MCU: variants seen among roughly 807,000 people sequenced by gnomAD.
MCU encodes calcium uniporter protein, mitochondrial.
In MCU, 12 loss-of-function variants were observed where a neutral mutation model predicts 45.2. The observed-to-expected ratio is 0.27, with a 90% CI of 0.17 to 0.43. The LOEUF (loss-of-function observed/expected upper bound fraction) is 0.43. MCU is among the 20% of genes least tolerant of loss of function. The pLI, the probability that MCU is intolerant of heterozygous loss-of-function variation, is 1.00. For missense variants in MCU, 324 were observed against 436.7 expected (o/e 0.74, Z 2.30); for synonymous variants, 160 against 165.1 (o/e 0.97, Z 0.24).
intron 2 of MCU, among the ~76,000 whole-genome samples, chr10:72,841,446 C>G (rs1393990677): frequency 6.6e-6 from 1 of 152,076 alleles, no homozygotes; most frequent in African/African-American, 2.4e-5. Context: ...TACAGGCACC[C>G]GCCACCATGC....
At chr10:72,848,351 G>C (rs1845153531) in intron 2 of MCU, among the ~76,000 whole-genome samples, 1 of 152,182 alleles carries the variant, frequency 6.6e-6, no homozygotes. Flanking sequence ...AGTCCATCTA[G>C]TGAGGGTCTT....
chr10:72,814,889 G>A (rs1308676190), intron 1 of MCU, among the ~76,000 whole-genome samples: 1 of 152,128 alleles, frequency 6.6e-6, no homozygotes, highest in Non-Finnish European at 1.5e-5. Flanking sequence ...AAGGCAATAG[G>A]AGGAGATGAA....
intron 2 of MCU, among the ~76,000 whole-genome samples, chr10:72,856,627 C>G (rs1320893747): frequency 6.6e-6 from 1 of 151,938 alleles, no homozygotes; most frequent in Non-Finnish European, 1.5e-5. Context: ...TTGACTCTTA[C>G]TTTATTTTTA....
chr10:72,882,360 C>T (rs1013125729), intron 6 of MCU, among the ~76,000 whole-genome samples: 2 of 152,176 alleles, frequency 1.3e-5, no homozygotes, highest in Non-Finnish European at 2.9e-5. Context: ...ACTCTGACCG[C>T]CAGTGAGCCA....
intron 2 of MCU, among the ~76,000 whole-genome samples, chr10:72,853,088 A>G (rs1243126725): frequency 1.3e-5 from 2 of 152,246 alleles, no homozygotes; most frequent in East Asian, 1.9e-4. Flanking sequence ...CCAGCACTCA[A>G]CAATGTAAAA....
At chr10:72,802,944 A>G (rs1844364966) in intron 1 of MCU, among the ~76,000 whole-genome samples, 1 of 152,200 alleles carries the variant, frequency 6.6e-6, no homozygotes, top group Admixed American at 6.5e-5. Flanking sequence ...CCCTGTACAG[A>G]CATTAGATCG....
chr10:72,737,008 AG>A (rs2132691571), intron 1 of MCU, among the ~76,000 whole-genome samples: 1 of 152,358 alleles, frequency 6.6e-6, no homozygotes, highest in South Asian at 2.1e-4. Context: ...TGTTCCCAAA[AG>A]CTTTCTAGTC....
intron 1 of MCU, among the ~76,000 whole-genome samples, chr10:72,828,929 A>G (rs911442142): frequency 3.3e-5 from 5 of 152,182 alleles, no homozygotes; most frequent in African/African-American, 1.2e-4. Flanking sequence ...TTCTCAAGTT[A>G]CTTATTAAAG....
At chr10:72,847,325 C>T (rs1217044051) in intron 2 of MCU, among the ~76,000 whole-genome samples, 1 of 152,158 alleles carries the variant, frequency 6.6e-6, no homozygotes, top group Non-Finnish European at 1.5e-5. Flanking sequence ...CTCCACAGAT[C>T]CCATCCTCAT....
Position 72,806,992 on chromosome 10 carries a change from A to G in MCU, c.151-27367A>G, listed in dbSNP as rs146309834. Reference sequence around the variant, plus strand: ...GTTGGGAGAGGCATACAGCTAACATATAGCTATTAAACCATATTACAGAAT... The same window carrying G: ...GTTGGGAGAGGCATACAGCTAACATGTAGCTATTAAACCATATTACAGAAT... On this transcript the variant is annotated intron_variant, in intron 1 of 7. Coordinates refer to ENST00000373053, the MANE Select transcript of MCU (RefSeq NM_138357.3). Among the ~76,000 whole-genome samples, 998 of 152,362 alleles carry G rather than the reference A, an allele frequency of 6.6e-3. 9 individuals carry two copies. Among genetic ancestry groups the G allele is most frequent in the African/African-American group, 0.023 (955 of 41,578 alleles).
At chr10:72,834,465 T>C in intron 2 of MCU, 37 bp downstream of exon 2, 9 of 1,551,504 alleles carry the variant, frequency 5.8e-6, no homozygotes, top group Non-Finnish European at 8.0e-6. Flanking sequence ...TGTCTAATAT[T>C]ATTTCCTTCT....
chr10:72,712,705 T>C (rs1466817850), intron 1 of MCU, among the ~76,000 whole-genome samples: 2 of 152,174 alleles, frequency 1.3e-5, no homozygotes, highest in African/African-American at 2.4e-5. Flanking sequence ...GTGAAATAAA[T>C]ATTTGTTTTA....
At chr10:72,848,454 T>C (rs1339728759) in intron 2 of MCU, among the ~76,000 whole-genome samples, 1 of 151,548 alleles carries the variant, frequency 6.6e-6, no homozygotes, top group Non-Finnish European at 1.5e-5. Context: ...TCACCGTTTT[T>C]GGGAGTGGAT....
chr10:72,718,088 T>A (rs1252632836), intron 1 of MCU, among the ~76,000 whole-genome samples: 1 of 152,214 alleles, frequency 6.6e-6, no homozygotes, highest in African/African-American at 2.4e-5. Context: ...GTGTTCTTTT[T>A]CTGTTCTTGG....
At chr10:72,762,999 C>T (rs1843676084) in intron 1 of MCU, among the ~76,000 whole-genome samples, 1 of 152,034 alleles carries the variant, frequency 6.6e-6, no homozygotes, top group Non-Finnish European at 1.5e-5. Flanking sequence ...TGGAGACTAC[C>T]CACATTTCCT....
At chr10:72,821,176 C>T (rs760255371) in intron 1 of MCU, among the ~76,000 whole-genome samples, 2 of 151,076 alleles carry the variant, frequency 1.3e-5, no homozygotes, top group Non-Finnish European at 2.9e-5. Flanking sequence ...AAACAAACTA[C>T]AACGGGAACA....
intron 2 of MCU, among the ~76,000 whole-genome samples, chr10:72,837,294 C>T (rs1442018720): frequency 6.6e-6 from 1 of 151,626 alleles, no homozygotes; most frequent in African/African-American, 2.4e-5. Context: ...ATTTTGCATA[C>T]AATTTTATAG....
intron 1 of MCU, among the ~76,000 whole-genome samples, chr10:72,728,546 G>C (rs1386353127): frequency 1.3e-5 from 2 of 152,320 alleles, no homozygotes; most frequent in South Asian, 2.1e-4. Context: ...TATTTCAGTA[G>C]AGGGAACAAG....
chr10:72,702,346 T>C (rs1303612834), intron 1 of MCU, among the ~76,000 whole-genome samples: 1 of 152,188 alleles, frequency 6.6e-6, no homozygotes, highest in Non-Finnish European at 1.5e-5. Context: ...CCAGATACTT[T>C]TATAACATTC....
Sources: gnomAD v4.1 joint callset for allele counts (sites outside exome capture counted in the v4.1 genomes callset) on GRCh38, gnomAD v4.1.1 for gene constraint, MANE v1.5 for transcripts, NCBI Gene and HGNC (gene_info 2026-07-23, HGNC 2026-07-21) for gene names.